The following MCM6 variants were observed in gnomAD, a reference collection of about 807,000 sequenced individuals.
The protein encoded by MCM6 is minichromosome maintenance complex component 6, also known as DNA replication licensing factor MCM6.
Under a neutral mutation model 94.3 loss-of-function variants are expected in MCM6, and 46 were observed. The ratio of observed to expected loss-of-function variants is 0.49; its 90% CI spans 0.39 to 0.62. The LOEUF is 0.62. Among genes scored for constraint, MCM6 ranks in the 20% least tolerant of loss-of-function variants. The pLI is 0.00. For missense variants in MCM6, 865 were observed against 1,017.9 expected (o/e 0.85, Z 2.04); for synonymous variants, 335 against 351.9 (o/e 0.95, Z 0.54).
chr2:135,843,549 A>T (rs1679615638), intron 16 of MCM6, among the ~76,000 whole-genome samples: 1 of 151,842 alleles, frequency 6.6e-6, no homozygotes, highest in African/African-American at 2.4e-5. Context: ...CCTGGCCAAC[A>T]TGGCAAAACC....
intron 9 of MCM6, 38 bp downstream of exon 9, chr2:135,859,263 C>T: frequency 6.4e-7 from 1 of 1,568,332 alleles, no homozygotes; most frequent in Middle Eastern, 1.8e-4. Context: ...TAGGGGTATT[C>T]TGACTTCTTT....
chr2:135,870,433 C>T, intron 2 of MCM6, 72 bp from the exon 3 acceptor site: 1 of 984,550 alleles, frequency 1.0e-6, no homozygotes, highest in Non-Finnish European at 1.6e-6. Context: ...TACCTACCAA[C>T]AGCCGAGATT....
At chr2:135,855,810 G>C (rs1361147318) in intron 11 of MCM6, among the ~76,000 whole-genome samples, 1 of 152,138 alleles carries the variant, frequency 6.6e-6, no homozygotes, top group African/African-American at 2.4e-5. Context: ...GATTTAAAAA[G>C]TACAGCCTAA....
chr2:135,862,814 G>T, intron 7 of MCM6, 66 bp from the exon 8 acceptor site: 2 of 1,565,948 alleles, frequency 1.3e-6, no homozygotes, highest in Non-Finnish European at 8.7e-7. Context: ...ACTTTCAGAA[G>T]AAACAGTAAA....
chr2:135,874,411 G>T (rs758356177), intron 1 of MCM6, among the ~76,000 whole-genome samples: 1 of 152,236 alleles, frequency 6.6e-6, no homozygotes, highest in East Asian at 1.9e-4. Context: ...GGCTTTGAAG[G>T]AGGAACTATC....
intron 10 of MCM6, 65 bp downstream of exon 10, chr2:135,857,832 T>C: frequency 7.4e-7 from 1 of 1,347,608 alleles, no homozygotes; most frequent in Non-Finnish European, 1.1e-6. Context: ...GGTGAACTTC[T>C]CTAGTACTAC....
Position 135,840,918 on chromosome 2 carries a change from A to G in MCM6, c.2383T>C (p.Leu795=). ...TCACTTCCCTCTGTGGAGCCTTTCA[A>G]TCCAGCCTGGGTGAGCTCAATTAGA... ...HVLIELTQAG[L]KGSTEGSESY... is the part of the protein sequence containing the mutation. The change falls in exon 17 of 17, where the codon TTG becomes CTG. Residue 795 remains leucine, a synonymous_variant. Transcript: ENST00000264156. The G allele has an allele frequency of 6.2e-7, 1 of 1,614,164 alleles. No homozygotes were observed. The highest frequency in any genetic ancestry group is 8.5e-7 in the Non-Finnish European group (1 of 1,179,994).
At chr2:135,875,325 C>T (rs762894101) in intron 1 of MCM6, among the ~76,000 whole-genome samples, 10 of 151,868 alleles carry the variant, frequency 6.6e-5, no homozygotes, top group Non-Finnish European at 1.5e-4. Context: ...GATGGTGACA[C>T]TGCACTCCGG....
At chr2:135,865,927 C>A (rs1575366347) in intron 6 of MCM6, among the ~76,000 whole-genome samples, 3 of 152,164 alleles carry the variant, frequency 2.0e-5, no homozygotes, top group Non-Finnish European at 4.4e-5. Context: ...CAGAGCAAGA[C>A]CTCATCTCTA....
Position 135,840,786 on chromosome 2 carries a change from G to A in MCM6, c.*49C>T, listed in dbSNP as rs771809754. ...GAGCTCCAGCCAGGCTCCAGGCCAC[G>A]AGGTGCTGTGCCACAGTTCCTCAGC... On this transcript the variant is annotated 3_prime_UTR_variant, in exon 17 of 17. Transcript: ENST00000264156. 10 of 1,292,752 alleles carry A rather than the reference G, an allele frequency of 7.7e-6. No homozygotes were observed. Among genetic ancestry groups the A allele is most frequent in the Non-Finnish European group, 1.0e-5 (9 of 888,320 alleles). The allele number at this position is 1,292,752 out of a possible 1,614,324, so 80.1% of individuals were successfully genotyped here.
At chr2:135,870,627 T>C (rs1248451713) in intron 2 of MCM6, among the ~76,000 whole-genome samples, 1 of 152,244 alleles carries the variant, frequency 6.6e-6, no homozygotes, top group Non-Finnish European at 1.5e-5. Flanking sequence ...ACCCACACTG[T>C]TGGCCATTCC....
chr2:135,875,782 C>T (rs4988143), intron 1 of MCM6, among the ~76,000 whole-genome samples: 49 of 152,360 alleles, frequency 3.2e-4, no homozygotes, highest in African/African-American at 1.2e-3. Flanking sequence ...AAACTTTCAT[C>T]AGCACAAGAG....
intron 11 of MCM6, among the ~76,000 whole-genome samples, 193 bp downstream of exon 11, chr2:135,856,535 A>G (rs1253336919): frequency 6.6e-6 from 1 of 152,250 alleles, no homozygotes; most frequent in Non-Finnish European, 1.5e-5. Flanking sequence ...CTTGAACACA[A>G]TTAAGTGGAA....
At chr2:135,861,438 C>T (rs1457061579) in intron 8 of MCM6, among the ~76,000 whole-genome samples, 1 of 152,086 alleles carries the variant, frequency 6.6e-6, no homozygotes, top group Non-Finnish European at 1.5e-5. Context: ...GCACTGAGAA[C>T]ATGGCAGGTG....
chr2:135,866,496 G>C, intron 5 of MCM6, 67 bp downstream of exon 5: 2 of 1,502,932 alleles, frequency 1.3e-6, no homozygotes, highest in African/African-American at 1.4e-5. Flanking sequence ...ATGAAGATGT[G>C]GGAAGCTAGA....
In MCM6 at chr2:135,856,958, T is replaced by A. The variant is rs992907680; in HGVS notation, c.1471-75A>T. 3.0e-6 allele frequency: 4 copies of A among 1,338,076 alleles called. No homozygotes were observed. In the African/African-American group the frequency reaches 5.9e-5, roughly 20 times the overall value. The allele number at this position is 1,338,076 out of a possible 1,614,324, so 82.9% of individuals were successfully genotyped here. A position where few individuals can be genotyped will look rare whatever the true frequency, so the allele number is the denominator to read the frequency against. ...TAAATATATAACAACATGTTCAATC[T>A]CACCCATAATTAACTAAACACAAAC... On this transcript the variant is annotated intron_variant, in intron 10 of 16. Transcript: ENST00000264156.
At chr2:135,868,547 A>C in intron 4 of MCM6, 64 bp downstream of exon 4, 3 of 1,522,598 alleles carry the variant, frequency 2.0e-6, no homozygotes, top group Non-Finnish European at 2.7e-6. Flanking sequence ...AAGCTATTGC[A>C]AGGGCCTAGA....
chr2:135,848,234 CCAAA>C (rs1294752623), intron 13 of MCM6, 46 bp from the exon 14 acceptor site: 2 of 1,430,450 alleles, frequency 1.4e-6, no homozygotes, highest in African/African-American at 1.4e-5. Flanking sequence ...TTTTGATATA[CCAAA>C]CAGATTTTCT....
chr2:135,869,402 G>GAA (rs1454791999), intron 3 of MCM6, among the ~76,000 whole-genome samples: 1,459 of 47,560 alleles, frequency 0.031, 54 homozygotes, highest in African/African-American at 0.091. Context: ...CTCTGTCTCA[G>GAA]AAAAAAAAAA....
Sources: gnomAD v4.1 joint callset for allele counts (sites outside exome capture counted in the v4.1 genomes callset) on GRCh38, gnomAD v4.1.1 for gene constraint, MANE v1.5 for transcripts, NCBI Gene and HGNC (gene_info 2026-07-23, HGNC 2026-07-21) for gene names.